The following TTC7B variants were observed in gnomAD, a reference collection of about 807,000 sequenced individuals.
The protein encoded by TTC7B is tetratricopeptide repeat protein 7B.
In TTC7B, 28 loss-of-function variants were observed where a neutral mutation model predicts 106.8. The ratio of observed to expected loss-of-function variants is 0.26; its 90% CI spans 0.19 to 0.36. The LOEUF is 0.36. Among genes scored for constraint, TTC7B ranks in the 10% least tolerant of loss-of-function variants. TTC7B has a pLI of 1.00. For missense variants in TTC7B, 862 were observed against 1,076.4 expected, an observed-to-expected ratio of 0.80 and a Z score of 2.79; for synonymous variants, 405 against 430.6, an observed-to-expected ratio of 0.94 and a Z score of 0.74.
intron 15 of TTC7B, among the ~76,000 whole-genome samples, chr14:90,622,623 G>A (rs374497426): frequency 2.1e-3 from 319 of 151,992 alleles, no homozygotes; most frequent in African/African-American, 7.3e-3. Flanking sequence ...CCAGCTACTC[G>A]GGAGGCTGAG....
intron 19 of TTC7B, among the ~76,000 whole-genome samples, chr14:90,574,779 T>A (rs1891189264): frequency 6.6e-6 from 1 of 152,120 alleles, no homozygotes; most frequent in African/African-American, 2.4e-5. Context: ...GGCTTCCTTC[T>A]CCCTAACAGC....
At chr14:90,594,215 C>T (rs1892108083) in intron 17 of TTC7B, among the ~76,000 whole-genome samples, 1 of 152,178 alleles carries the variant, frequency 6.6e-6, no homozygotes, top group South Asian at 2.1e-4. Flanking sequence ...AAGCAGATGT[C>T]TATCCTTAAG....
intron 14 of TTC7B, among the ~76,000 whole-genome samples, chr14:90,645,938 G>A (rs187230650): frequency 2.6e-5 from 4 of 152,324 alleles, no homozygotes; most frequent in African/African-American, 9.6e-5. Flanking sequence ...AGGAAGAAGT[G>A]CAGGCTGCTA....
chr14:90,664,988 A>G (rs1886354738), intron 9 of TTC7B, among the ~76,000 whole-genome samples: 1 of 152,214 alleles, frequency 6.6e-6, no homozygotes, highest in African/African-American at 2.4e-5. Context: ...TGGCAAAGGC[A>G]GTGTGAATAG....
intron 4 of TTC7B, among the ~76,000 whole-genome samples, chr14:90,734,493 G>A (rs1229660150): frequency 6.6e-6 from 1 of 151,552 alleles, no homozygotes; most frequent in Non-Finnish European, 1.5e-5. Context: ...AGGCTGCAAT[G>A]AGCTATGATC....
chr14:90,783,608 C>T (rs1891288397), intron 2 of TTC7B, among the ~76,000 whole-genome samples: 1 of 152,138 alleles, frequency 6.6e-6, no homozygotes, highest in South Asian at 2.1e-4. Flanking sequence ...CTTATAAATC[C>T]AGAACTGGAC....
chr14:90,547,289 T>C (rs1889877843), intron 19 of TTC7B, among the ~76,000 whole-genome samples: 1 of 152,272 alleles, frequency 6.6e-6, no homozygotes, highest in Non-Finnish European at 1.5e-5. Context: ...TGAGATAAAA[T>C]GGACTTGGCC....
intron 5 of TTC7B, among the ~76,000 whole-genome samples, chr14:90,696,357 C>T (rs748629218): frequency 6.6e-6 from 1 of 152,204 alleles, no homozygotes; most frequent in African/African-American, 2.4e-5. Context: ...GAGCTGGGAA[C>T]GCTCCCCAGC....
At chr14:90,721,853 A>C (rs1157312599) in intron 5 of TTC7B, among the ~76,000 whole-genome samples, 10 of 152,244 alleles carry the variant, frequency 6.6e-5, no homozygotes, top group Non-Finnish European at 1.3e-4. Context: ...AGTATTTGGC[A>C]CTAGTAAGTA....
intron 9 of TTC7B, among the ~76,000 whole-genome samples, chr14:90,665,270 A>G (rs1452801013): frequency 1.3e-5 from 2 of 152,244 alleles, no homozygotes; most frequent in African/African-American, 4.8e-5. Context: ...GATAACATTC[A>G]TTTAATACCA....
At chr14:90,794,207 A>ACTTTTTT (rs1566891563) in intron 1 of TTC7B, among the ~76,000 whole-genome samples, 1 of 130,618 alleles carries the variant, frequency 7.7e-6, no homozygotes. Context: ...CTGGCTGGGT[A>ACTTTTTT]TTTCTTTTTT....
intron 11 of TTC7B, among the ~76,000 whole-genome samples, chr14:90,656,178 A>T (rs992689318): frequency 3.3e-5 from 5 of 152,200 alleles, no homozygotes; most frequent in African/African-American, 1.2e-4. Context: ...AAAGTGGAAC[A>T]CTCTTCACTA....
intron 9 of TTC7B, among the ~76,000 whole-genome samples, chr14:90,666,347 G>A (rs1264566673): frequency 6.6e-6 from 1 of 152,158 alleles, no homozygotes; most frequent in Non-Finnish European, 1.5e-5. Context: ...TTTTAGTAGA[G>A]ACAGGGTTTC....
intron 7 of TTC7B, among the ~76,000 whole-genome samples, chr14:90,687,106 A>G (rs1887278447): frequency 6.6e-6 from 1 of 152,178 alleles, no homozygotes; most frequent in South Asian, 2.1e-4. Flanking sequence ...GGGTAATAAA[A>G]ATGTTCCAAT....
intron 15 of TTC7B, among the ~76,000 whole-genome samples, chr14:90,639,472 C>A (rs185417950): frequency 6.6e-6 from 1 of 152,314 alleles, no homozygotes; most frequent in African/African-American, 2.4e-5. Flanking sequence ...GGATGCGCAA[C>A]TTAAACTCAC....
chr14:90,721,459 A>C (rs1467541180), intron 5 of TTC7B, among the ~76,000 whole-genome samples: 1 of 152,246 alleles, frequency 6.6e-6, no homozygotes, highest in Admixed American at 6.5e-5. Flanking sequence ...GCCCACATTT[A>C]AACAGAACAG....
intron 19 of TTC7B, among the ~76,000 whole-genome samples, chr14:90,564,623 C>T (rs1890714052): frequency 6.6e-6 from 1 of 152,188 alleles, no homozygotes; most frequent in Non-Finnish European, 1.5e-5. Flanking sequence ...TAAAAAACTG[C>T]TGGGCTGGGC....
chr14:90,651,435 A>G (rs1749064870), intron 13 of TTC7B, among the ~76,000 whole-genome samples: 2 of 152,268 alleles, frequency 1.3e-5, no homozygotes, highest in African/African-American at 2.4e-5. Flanking sequence ...AGCAGCTGTT[A>G]TATAACATGA....
chr14:90,803,577 A>G (rs1352001262), intron 1 of TTC7B, among the ~76,000 whole-genome samples: 1 of 152,176 alleles, frequency 6.6e-6, no homozygotes. Flanking sequence ...GGCTAGTTGG[A>G]ACTCTTGACT....
Sources: allele counts gnomAD v4.1 joint callset (sites outside exome capture counted in the v4.1 genomes callset), GRCh38; gene constraint gnomAD v4.1.1; transcripts MANE v1.5; gene names NCBI Gene and HGNC (gene_info 2026-07-23, HGNC 2026-07-21).